The following IL1RAPL1 variants were observed in gnomAD, a reference collection of about 807,000 sequenced individuals.
IL1RAPL1 encodes interleukin 1 receptor accessory protein like 1, also known as interleukin-1 receptor accessory protein-like 1.
A neutral mutation model predicts 48.4 loss-of-function variants in IL1RAPL1; 3 were observed. That is an observed-to-expected ratio of 0.06 (90% CI 0.03 to 0.16). IL1RAPL1 has a LOEUF of 0.16. Among genes scored for constraint, IL1RAPL1 ranks in the 10% least tolerant of loss-of-function variants. The probability of loss-of-function intolerance (pLI) is 1.00; values close to 1 mark genes in which losing one functional copy is unlikely to be tolerated. For synonymous variants in IL1RAPL1, 185 were observed against 187.7 expected (o/e 0.99, Z 0.12); for missense variants, 349 against 530.6 (o/e 0.66, Z 3.36).
At chrX:29,921,569 A>AT (rs1932848478) in intron 8 of IL1RAPL1, among the ~76,000 whole-genome samples, 1 of 112,122 alleles carries the variant, frequency 8.9e-6, no homozygotes, top group African/African-American at 3.2e-5. Context: ...CAAGGAAGAG[A>AT]TTTTAGTAGA....
intron 5 of IL1RAPL1, among the ~76,000 whole-genome samples, chrX:29,399,612 G>A (rs1933964345): frequency 1.8e-5 from 2 of 110,797 alleles, no homozygotes; most frequent in Admixed American, 9.6e-5. Context: ...CGAGGTCAGG[G>A]GTTCAGGACC....
intron 2 of IL1RAPL1, among the ~76,000 whole-genome samples, chrX:28,959,296 A>G (rs1291260876): frequency 8.9e-6 from 1 of 111,756 alleles, no homozygotes; most frequent in East Asian, 2.8e-4. Context: ...ACATATTTTA[A>G]CACTCTCATT....
Position 29,566,560 on chromosome X carries a change from G to A in IL1RAPL1, c.704-101870G>A, listed in dbSNP as rs149682433. On this transcript the variant is annotated intron_variant, in intron 5 of 10. Coordinates refer to ENST00000378993, the MANE Select transcript of IL1RAPL1 (RefSeq NM_014271.4). ...TAATAGTGTTTACACCAGTGTAGAC[G>A]AGGAGTGGATCATCAAAGGAGGTGA... 9.4e-3 allele frequency among the ~76,000 whole-genome samples: 971 copies of A among 103,662 alleles called. 11 individuals carry two copies. Among genetic ancestry groups the A allele is most frequent in the African/African-American group, 0.032 (917 of 28,227 alleles). The allele number at this position is 103,662 out of a possible 115,157, so 90.0% of individuals were successfully genotyped here. A position where few individuals can be genotyped will look rare whatever the true frequency, so the allele number is the denominator to read the frequency against.
chrX:29,087,018 C>A (rs1472734243), intron 2 of IL1RAPL1, among the ~76,000 whole-genome samples: 1 of 111,309 alleles, frequency 9.0e-6, no homozygotes, highest in Non-Finnish European at 1.9e-5. Context: ...AATTGTCAGG[C>A]AGAAATAGTT....
chrX:29,559,565 T>G (rs781562099), intron 5 of IL1RAPL1, among the ~76,000 whole-genome samples: 2 of 111,782 alleles, frequency 1.8e-5, no homozygotes, highest in Non-Finnish European at 3.8e-5. Context: ...GTAGGCTATA[T>G]GCTTTTAGGA....
chrX:28,640,018 G>A (rs1934514177), intron 1 of IL1RAPL1, among the ~76,000 whole-genome samples: 1 of 111,729 alleles, frequency 9.0e-6, no homozygotes, highest in Admixed American at 9.5e-5. Context: ...TATAGGAGCA[G>A]ATCACTAATT....
intron 3 of IL1RAPL1, among the ~76,000 whole-genome samples, chrX:29,342,319 A>T (rs940257933): frequency 4.5e-5 from 5 of 111,896 alleles, no homozygotes; most frequent in African/African-American, 1.6e-4. Flanking sequence ...GGCATTGGAG[A>T]TTAAATTGTG....
chrX:29,300,708 A>G (rs145640045), intron 3 of IL1RAPL1, among the ~76,000 whole-genome samples: 554 of 112,362 alleles, frequency 4.9e-3, no homozygotes, highest in Non-Finnish European at 9.0e-3. Context: ...AGCTAGTACA[A>G]AAGAATAAAA....
At chrX:29,307,462 G>A (rs1299342410) in intron 3 of IL1RAPL1, among the ~76,000 whole-genome samples, 1 of 110,925 alleles carries the variant, frequency 9.0e-6, no homozygotes, top group East Asian at 2.8e-4. Flanking sequence ...ATAAAATAAA[G>A]AGATGATGAA....
At chrX:29,207,346 A>T (rs183369564) in intron 2 of IL1RAPL1, among the ~76,000 whole-genome samples, 68 of 112,377 alleles carry the variant, frequency 6.1e-4, no homozygotes, top group Admixed American at 2.8e-3. Context: ...TCATGAAGTC[A>T]AAATGAAATA....
At chrX:28,979,167 A>T (rs1287979663) in intron 2 of IL1RAPL1, among the ~76,000 whole-genome samples, 1 of 111,806 alleles carries the variant, frequency 8.9e-6, no homozygotes, top group Non-Finnish European at 1.9e-5. Flanking sequence ...AAGTACCAGA[A>T]GTTATGACAA....
At chrX:28,600,386 A>G (rs1934008472) in intron 1 of IL1RAPL1, among the ~76,000 whole-genome samples, 1 of 109,689 alleles carries the variant, frequency 9.1e-6, no homozygotes, top group Admixed American at 9.8e-5. Context: ...TGTGTCCTGG[A>G]CTTCCAGAGA....
At chrX:28,802,472 TGTGA>T (rs1337731348) in intron 2 of IL1RAPL1, among the ~76,000 whole-genome samples, 2 of 112,403 alleles carry the variant, frequency 1.8e-5, no homozygotes, top group Admixed American at 9.4e-5. Flanking sequence ...GTGAGCCTCT[TGTGA>T]GTATTCTCAA....
chrX:28,875,229 C>T (rs1409535977), intron 2 of IL1RAPL1, among the ~76,000 whole-genome samples: 1 of 111,916 alleles, frequency 8.9e-6, no homozygotes, highest in African/African-American at 3.2e-5. Flanking sequence ...ATTCCATTTT[C>T]TTCCTTTAGC....
intron 2 of IL1RAPL1, among the ~76,000 whole-genome samples, chrX:29,203,219 C>G (rs1394280168): frequency 9.0e-6 from 1 of 110,893 alleles, no homozygotes; most frequent in African/African-American, 3.3e-5. Flanking sequence ...CAAAGTTAGG[C>G]TACTACCATC....
At chrX:28,873,677 G>A (rs766410459) in intron 2 of IL1RAPL1, among the ~76,000 whole-genome samples, 3 of 107,738 alleles carry the variant, frequency 2.8e-5, no homozygotes, top group South Asian at 8.4e-4. Flanking sequence ...GACTACAGGA[G>A]CCCGCCACCA....
chrX:29,592,975 A>C (rs1340539570), intron 5 of IL1RAPL1, among the ~76,000 whole-genome samples: 1 of 112,019 alleles, frequency 8.9e-6, no homozygotes, highest in African/African-American at 3.2e-5. Context: ...CCCTCTTTCA[A>C]GGTCTCTGGA....
intron 3 of IL1RAPL1, among the ~76,000 whole-genome samples, chrX:29,314,330 T>C (rs1276471837): frequency 8.9e-6 from 1 of 112,155 alleles, no homozygotes; most frequent in Non-Finnish European, 1.9e-5. Flanking sequence ...CAAGAATTGG[T>C]GGACCCAGTG....
chrX:28,615,199 GTTTTTTTTTTTTTTTTTTTT>G (rs778402885), intron 1 of IL1RAPL1, among the ~76,000 whole-genome samples: 1,398 of 26,082 alleles, frequency 0.054, 39 homozygotes, highest in Middle Eastern at 0.13. Flanking sequence ...ACTGTTGTCT[GTTTTTTTTTTTTTTTTTTTT>G]TTTTTTTTTT....
Sources: allele counts gnomAD v4.1 joint callset (sites outside exome capture counted in the v4.1 genomes callset), GRCh38; gene constraint gnomAD v4.1.1; transcripts MANE v1.5; gene names NCBI Gene and HGNC (gene_info 2026-07-23, HGNC 2026-07-21).